Variants in MEFV observed in about 807,000 individuals in gnomAD.
The protein encoded by MEFV is MEFV innate immunity regulator, pyrin, also known as pyrin.
MEFV carries 60 observed loss-of-function variants against 62.5 expected under a neutral mutation model. That is an observed-to-expected ratio of 0.96 (90% CI 0.78 to 1.19). MEFV has a LOEUF of 1.19. MEFV is among the 50% of genes most tolerant of loss of function. The probability of loss-of-function intolerance (pLI) is 0.00; values close to 1 mark genes in which losing one functional copy is unlikely to be tolerated. For synonymous variants in MEFV, 500 were observed against 415.2 expected (o/e 1.20, Z -2.48); for missense variants, 1,169 against 1,004.5 (o/e 1.16, Z -2.21).
intron 6 of MEFV, among the ~76,000 whole-genome samples, chr16:3,246,038 T>C (rs530590768): frequency 3.9e-4 from 60 of 152,330 alleles, no homozygotes; most frequent in Middle Eastern, 3.4e-3. Flanking sequence ...GAAGACATTA[T>C]GCTAAGTGAA....
chr16:3,248,884 G>T (rs751700943), intron 4 of MEFV, 25 bp downstream of exon 4: 27 of 1,612,990 alleles, frequency 1.7e-5, no homozygotes, highest in Non-Finnish European at 2.3e-5. Flanking sequence ...GGGACGGATG[G>T]GCCATCAGCC....
chr16:3,246,202 A>AG (rs1958940480), intron 6 of MEFV, among the ~76,000 whole-genome samples: 1 of 152,102 alleles, frequency 6.6e-6, no homozygotes, highest in Non-Finnish European at 1.5e-5. Context: ...GTAGGCCTGA[A>AG]GGGGCAGCTT....
chr16:3,244,003 C>T, intron 8 of MEFV, 111 bp from the exon 9 acceptor site: 1 of 1,562,754 alleles, frequency 6.4e-7, no homozygotes, highest in Non-Finnish European at 8.7e-7. Context: ...GCTTAGGGCC[C>T]TGCATGCTAT....
In MEFV at chr16:3,249,870, C is replaced by T. The variant is rs376238195; in HGVS notation, c.911-90G>A. On this transcript the variant is annotated intron_variant, in intron 2 of 9. Coordinates refer to ENST00000219596, the MANE Select transcript of MEFV (RefSeq NM_000243.3). ...CAAAGCACAGCGGACACAGCCCTTG[C>T]CTGAGATGTGCGAGTTCTCAGTTAG... 2.8e-5 allele frequency: 30 copies of T among 1,070,458 alleles called. No individual in the cohort carries two copies. In the African/African-American group the frequency reaches 4.3e-4, roughly 15 times the overall value. The allele number at this position is 1,070,458 out of a possible 1,614,324, so 66.3% of individuals were successfully genotyped here.
rs1325363907 is a variant in MEFV at position 3,254,639 on chromosome 16, C to T, written c.429G>A (p.Arg143=). 19 of 1,607,440 alleles carry T rather than the reference C, an allele frequency of 1.2e-5. No homozygotes were observed. Among genetic ancestry groups the T allele is most frequent in the Non-Finnish European group, 1.6e-5 (19 of 1,178,218 alleles). Residue 143 remains arginine, a synonymous_variant, in exon 2 of 10, where the codon CGG becomes CGA. Transcript: ENST00000219596. The part of the protein sequence containing the change: ...RPYGGGAASL[R]CSQPEAGRGL... ...CCCTCCCGGCCTCGGGCTGGCTGCA[C>T]CGCAGGCTGGCAGCTCCGCCCCCGT... is the stretch of plus-strand genomic sequence containing the variant.
At position 3,243,378 on chromosome 16, in the gene MEFV, G is replaced by T; in HGVS notation, c.2109C>A (p.Ser703Arg). Residue 703 changes from serine (S) to arginine (R), a missense_variant, in exon 10 of 10, where the codon AGC becomes AGA. Transcript: ENST00000219596. ...TTATTAGCAGGCGGGTCGGGGGAAC[G>T]CTGGACGCCTGGTACTCATTTTCCT... Reference protein sequence around the residue: ...MMKENEYQASSVPPTRLLIKE... With the variant: ...MMKENEYQASRVPPTRLLIKE... 1.2e-6 allele frequency: 2 copies of T among 1,614,162 alleles called. No homozygotes were observed. The highest frequency in any genetic ancestry group is 2.2e-5 in the South Asian group (2 of 91,082).
chr16:3,254,686 C>T lies in MEFV; in HGVS notation c.382G>A (p.Glu128Lys), dbSNP rs368981831. 4.3e-6 allele frequency: 7 copies of T among 1,612,448 alleles called. No homozygotes were observed. The highest frequency in any genetic ancestry group is 2.7e-5 in the African/African-American group (2 of 74,946). Reference protein sequence around the residue: ...LKTPDHPEGNEGNGPRPYGGG... With the variant: ...LKTPDHPEGNKGNGPRPYGGG... Reference sequence around the variant, plus strand: ...CCGTACGGCCGAGGGCCGTTCCCCTCGTTCCCCTCGGGGTGGTCTGGAGTC... The same window carrying T: ...CCGTACGGCCGAGGGCCGTTCCCCTTGTTCCCCTCGGGGTGGTCTGGAGTC... The change falls in exon 2 of 10, where the codon GAG (glutamate) becomes AAG (lysine). Residue 128 changes from glutamate (E) to lysine (K), a missense_variant. Transcript: ENST00000219596.
chr16:3,245,471 G>A (rs1435435576), intron 6 of MEFV, among the ~76,000 whole-genome samples: 1 of 151,856 alleles, frequency 6.6e-6, no homozygotes, highest in African/African-American at 2.4e-5. Flanking sequence ...GTGAAACCCT[G>A]TCTACCAAAA....
At position 3,249,415 on chromosome 16, in the gene MEFV, GGC is replaced by G; in HGVS notation, c.1260+14_1260+15del. On this transcript the variant is annotated intron_variant, in intron 3 of 9. Transcript: ENST00000219596. ...AGTGCCTGGCAGAGAAGAGCCCACA[GGC>G]AGGGAGTGCCTACCTTGTGTTCCAG... is the stretch of plus-strand genomic sequence containing the variant. 6.2e-7 allele frequency: 1 copy of G among 1,609,434 alleles called. No individual in the cohort carries two copies. The highest frequency in any genetic ancestry group is 8.5e-7 in the Non-Finnish European group (1 of 1,177,352).
intron 1 of MEFV, among the ~76,000 whole-genome samples, chr16:3,256,107 A>G (rs1959111666): frequency 6.6e-6 from 1 of 152,168 alleles, no homozygotes; most frequent in South Asian, 2.1e-4. Context: ...AAAACCCATT[A>G]GGAGCCTGAA....
At position 3,243,106 on chromosome 16, in the gene MEFV, G is replaced by A. The variant is rs1407052336; in HGVS notation, c.*35C>T. Reference sequence around the variant, plus strand: ...ATTGAGTGTGAATGCAAGATACAAGGCCAGAAGCAGGAAGAGAGATGCAGT... The same window carrying A: ...ATTGAGTGTGAATGCAAGATACAAGACCAGAAGCAGGAAGAGAGATGCAGT... On this transcript the variant is annotated 3_prime_UTR_variant, in exon 10 of 10. Transcript: ENST00000219596. 1 of 1,606,598 alleles carries A rather than the reference G, an allele frequency of 6.2e-7. No individual in the cohort carries two copies. The highest frequency in any genetic ancestry group is 8.5e-7 in the Non-Finnish European group (1 of 1,174,916).
At position 3,254,538 on chromosome 16, in the gene MEFV, G is replaced by GT. The variant is rs1434551302; in HGVS notation, c.529dup (p.Thr177AsnfsTer65). On this transcript the variant is annotated frameshift_variant, in exon 2 of 10. Coordinates refer to ENST00000219596, the MANE Select transcript of MEFV (RefSeq NM_000243.3). LOFTEE classifies it high-confidence loss of function. ...CCCGCCCGGCAGGGCCGGGCTCCGG[G>GT]TCCGAGGCTTGCCCTGCGCGTCCAG... 6.4e-7 allele frequency: 1 copy of GT among 1,555,692 alleles called. No individual in the cohort carries two copies. The highest frequency in any genetic ancestry group is 2.4e-5 in the East Asian group (1 of 42,132).
intron 2 of MEFV, among the ~76,000 whole-genome samples, chr16:3,250,577 A>G (rs966955612): frequency 1.3e-5 from 2 of 151,844 alleles, no homozygotes; most frequent in African/African-American, 4.8e-5. Context: ...TGGGCAACAG[A>G]GTAAGATGCC....
rs768349027 is a variant in MEFV at position 3,243,501 on chromosome 16, C to T, written c.1986G>A (p.Lys662=). 1.2e-6 allele frequency: 2 copies of T among 1,614,108 alleles called. No individual in the cohort carries two copies. Among genetic ancestry groups the T allele is most frequent in the Admixed American group, 3.3e-5 (2 of 60,014 alleles). The change falls in exon 10 of 10, where the codon AAG becomes AAA. Residue 662 remains lysine (K), a synonymous_variant. Transcript: ENST00000219596. ...RRYWEVEVGD[K]TAWILGACKT... is the part of the protein sequence containing the mutation. ...TGCAGGCTCCCAGGATCCATGCTGT[C>T]TTGTCTCCAACCTCCACCTCCCAGT...
Position 3,243,402 on chromosome 16 carries a change from C to G in MEFV, c.2085G>C (p.Lys695Asn), listed in dbSNP as rs104895208. Residue 695 changes from lysine to asparagine, a missense_variant, in exon 10 of 10, where the codon AAG (lysine) becomes AAC (asparagine). Transcript: ENST00000219596. ...ENGYWVVIMM[K>N]ENEYQASSVP... ...CGCTGGACGCCTGGTACTCATTTTCCTTCATCATTATCACCACCCAGTAGC... is the reference window on the plus strand; with the variant it reads ...CGCTGGACGCCTGGTACTCATTTTCGTTCATCATTATCACCACCCAGTAGC... The G allele has an allele frequency of 1.9e-6, 3 of 1,614,134 alleles. No individual in the cohort carries two copies. The highest frequency in any genetic ancestry group is 1.7e-5 in the Admixed American group (1 of 60,024).
intron 8 of MEFV, 170 bp from the exon 9 acceptor site, chr16:3,244,062 T>A: frequency 3.2e-6 from 5 of 1,551,548 alleles, no homozygotes; most frequent in Non-Finnish European, 4.4e-6. Flanking sequence ...TGTTGGGGAC[T>A]GTGGTCTAAT....
intron 2 of MEFV, among the ~76,000 whole-genome samples, chr16:3,250,040 T>C (rs1183176978): frequency 6.6e-6 from 1 of 152,208 alleles, no homozygotes; most frequent in Non-Finnish European, 1.5e-5. Flanking sequence ...GAAAGACCCA[T>C]GGCCTTGTGC....
rs748036598 is a variant in MEFV, at chr16:3,249,685, C to T, written c.1006G>A (p.Glu336Lys). ...TCVRDSCSFP[E>K]AVSGHPQASG... The stretch of plus-strand genomic sequence containing the variant: ...GCCTGGGGGTGCCCAGAAACTGCCT[C>T]GGGGAAGCTGCAGGAATCACGCACA... The change falls in exon 3 of 10, where the codon GAG (glutamate) becomes AAG (lysine). Residue 336 changes from glutamate to lysine, a missense_variant. Transcript: ENST00000219596. The T allele has an allele frequency of 1.3e-5, 21 of 1,612,698 alleles. No individual in the cohort carries two copies. Among genetic ancestry groups the T allele is most frequent in the African/African-American group, 2.7e-5 (2 of 74,898 alleles).
At chr16:3,255,189 C>T (rs187176474) in intron 1 of MEFV, among the ~76,000 whole-genome samples, 73 of 152,160 alleles carry the variant, frequency 4.8e-4, no homozygotes, top group African/African-American at 1.6e-3. Flanking sequence ...CGGTGGTGCG[C>T]ACCTGTAGTC....
Sources: allele counts gnomAD v4.1 joint callset (sites outside exome capture counted in the v4.1 genomes callset), GRCh38; gene constraint gnomAD v4.1.1; transcripts MANE v1.5; gene names NCBI Gene and HGNC (gene_info 2026-07-23, HGNC 2026-07-21).